THSD7B: variants seen among roughly 807,000 people sequenced by gnomAD.
THSD7B encodes thrombospondin type 1 domain containing 7B, also known as thrombospondin type-1 domain-containing protein 7B.
THSD7B carries 138 observed loss-of-function variants against 213.6 expected under a neutral mutation model. The ratio of observed to expected loss-of-function variants is 0.65; its 90% CI spans 0.56 to 0.74. THSD7B has a LOEUF of 0.74. Among genes scored for constraint, THSD7B ranks in the 30% least tolerant of loss-of-function variants. THSD7B has a pLI of 0.00. For missense variants in THSD7B, 1,931 were observed against 1,991.5 expected (o/e 0.97, Z 0.58); for synonymous variants, 742 against 687.0 (o/e 1.08, Z -1.25).
chr2:136,902,160 A>T (rs1342379730), intron 2 of THSD7B, among the ~76,000 whole-genome samples: 1 of 118,990 alleles, frequency 8.4e-6, no homozygotes, highest in African/African-American at 2.6e-5. Context: ...AAATTCTAGA[A>T]TCATTAAAGG....
chr2:137,583,034 A>G (rs959311198), intron 17 of THSD7B, among the ~76,000 whole-genome samples: 11 of 152,178 alleles, frequency 7.2e-5, no homozygotes, highest in Non-Finnish European at 1.6e-4. Flanking sequence ...TCACCATTCT[A>G]ACTGGTGTGA....
intron 17 of THSD7B, among the ~76,000 whole-genome samples, chr2:137,609,416 A>G (rs1682246832): frequency 1.3e-5 from 2 of 152,240 alleles, no homozygotes; most frequent in Non-Finnish European, 2.9e-5. Flanking sequence ...AGTGGTGACC[A>G]GAAGCAAATA....
chr2:136,807,509 G>GTTTTTTTCTTTTTTTTTT, intron 1 of THSD7B, among the ~76,000 whole-genome samples: 1 of 104,896 alleles, frequency 9.5e-6, no homozygotes, highest in Non-Finnish European at 1.8e-5. Context: ...AAAATGTTTC[G>GTTTTTTTCTTTTTTTTTT]TTTTTTTTTT....
At chr2:137,186,312 G>A (rs1240913483) in intron 7 of THSD7B, among the ~76,000 whole-genome samples, 3 of 151,986 alleles carry the variant, frequency 2.0e-5, no homozygotes, top group Admixed American at 6.6e-5. Context: ...GCCAAAGCCC[G>A]TGTTGTGAAG....
At chr2:136,988,823 A>G (rs1298953061) in intron 2 of THSD7B, among the ~76,000 whole-genome samples, 5 of 152,218 alleles carry the variant, frequency 3.3e-5, no homozygotes, top group African/African-American at 7.2e-5. Context: ...TTCTTCTGTC[A>G]TTCCTCCATT....
intron 2 of THSD7B, among the ~76,000 whole-genome samples, chr2:137,033,353 T>C (rs1686711027): frequency 6.6e-6 from 1 of 152,156 alleles, no homozygotes. Flanking sequence ...CTCAGGCCGG[T>C]TCAGGTGGCA....
At chr2:137,072,236 T>G (rs542233356) in intron 3 of THSD7B, among the ~76,000 whole-genome samples, 6 of 152,338 alleles carry the variant, frequency 3.9e-5, no homozygotes, top group Non-Finnish European at 8.8e-5. Context: ...TTCCTACCCA[T>G]GAGCATGCAT....
chr2:137,074,521 G>C (rs1687574616), intron 3 of THSD7B, among the ~76,000 whole-genome samples: 2 of 152,076 alleles, frequency 1.3e-5, no homozygotes. Flanking sequence ...CACACTGATG[G>C]GTCTTGACTC....
chr2:137,216,727 C>T (rs968310958), intron 7 of THSD7B, among the ~76,000 whole-genome samples: 3 of 152,044 alleles, frequency 2.0e-5, no homozygotes, highest in Non-Finnish European at 2.9e-5. Flanking sequence ...AATTTCACAG[C>T]GAAAGAAAAT....
chr2:137,538,639 A>G (rs945824856), intron 15 of THSD7B: 1 of 348,198 alleles, frequency 2.9e-6, no homozygotes, highest in Non-Finnish European at 5.6e-6. Context: ...AATTCCTCCC[A>G]TAGAAGAGTC....
rs1165507540 is a variant in THSD7B at position 137,073,563 on chromosome 2, GT to G, written c.950+16339del. Among the ~76,000 whole-genome samples, 5 of 152,282 alleles carry G rather than the reference GT, an allele frequency of 3.3e-5. No homozygotes were observed. The East Asian group carries it at 9.7e-4, about 29-fold the overall frequency. ...CCTGGATTCATTGATTTTTGGAAGGGTTTTTTGTGTCTCTATCTCCTTCAGT... is the reference window on the plus strand; with the variant it reads ...CCTGGATTCATTGATTTTTGGAAGGGTTTTTGTGTCTCTATCTCCTTCAGT... On this transcript the variant is annotated intron_variant, in intron 3 of 27. Coordinates refer to ENST00000409968, the MANE Select transcript of THSD7B (RefSeq NM_001316349.2).
At chr2:137,002,172 T>C (rs1379695473) in intron 2 of THSD7B, among the ~76,000 whole-genome samples, 2 of 152,200 alleles carry the variant, frequency 1.3e-5, no homozygotes, top group African/African-American at 2.4e-5. Flanking sequence ...CAATAACCTC[T>C]ACTCATCTCC....
At chr2:137,634,087 A>G (rs550192594) in intron 20 of THSD7B, among the ~76,000 whole-genome samples, 180 of 152,062 alleles carry the variant, frequency 1.2e-3, no homozygotes, top group African/African-American at 3.8e-3. Flanking sequence ...TAGGGGGAAA[A>G]CCCTTGAAAG....
intron 12 of THSD7B, among the ~76,000 whole-genome samples, chr2:137,344,391 G>A (rs935726649): frequency 6.6e-6 from 1 of 151,764 alleles, no homozygotes; most frequent in Non-Finnish European, 1.5e-5. Context: ...AATCATGGAA[G>A]CATCAGACTG....
At chr2:137,482,906 A>G (rs1296097166) in intron 15 of THSD7B, among the ~76,000 whole-genome samples, 2 of 152,198 alleles carry the variant, frequency 1.3e-5, no homozygotes, top group Non-Finnish European at 2.9e-5. Context: ...TGAAATGCAG[A>G]TGAATTGCTC....
chr2:136,867,406 A>G (rs1458399892), intron 1 of THSD7B, among the ~76,000 whole-genome samples: 1 of 152,150 alleles, frequency 6.6e-6, no homozygotes, highest in East Asian at 1.9e-4. Flanking sequence ...TGCAAACAAG[A>G]AATGCTTTTC....
chr2:137,298,939 G>A (rs572494439), intron 12 of THSD7B, among the ~76,000 whole-genome samples: 1 of 152,160 alleles, frequency 6.6e-6, no homozygotes, highest in Admixed American at 6.5e-5. Flanking sequence ...CCCACACAGA[G>A]TCCCTAGTGG....
chr2:137,361,429 T>C (rs1685254910), intron 12 of THSD7B, among the ~76,000 whole-genome samples: 1 of 152,142 alleles, frequency 6.6e-6, no homozygotes, highest in Non-Finnish European at 1.5e-5. Context: ...AATGATAAAC[T>C]TCTCTGAGCT....
intron 3 of THSD7B, among the ~76,000 whole-genome samples, chr2:137,085,554 G>A (rs1359039765): frequency 6.6e-6 from 1 of 151,980 alleles, no homozygotes; most frequent in Non-Finnish European, 1.5e-5. Flanking sequence ...TTAATAAAAA[G>A]TTGGAGACTA....
Sources: gnomAD v4.1 joint callset for allele counts (sites outside exome capture counted in the v4.1 genomes callset) on GRCh38, gnomAD v4.1.1 for gene constraint, MANE v1.5 for transcripts, NCBI Gene and HGNC (gene_info 2026-07-23, HGNC 2026-07-21) for gene names.